SEM1: variants seen among roughly 807,000 people sequenced by gnomAD.
SEM1 encodes SEM1 26S proteasome subunit.
Under a neutral mutation model 12.7 loss-of-function variants are expected in SEM1, and 3 were observed. That is an observed-to-expected ratio of 0.24 (90% CI 0.11 to 0.61). SEM1 has a LOEUF of 0.61. Ranked by LOEUF, SEM1 falls within the 20% of genes least tolerant of loss-of-function variation. The probability of loss-of-function intolerance (pLI) is 0.88; values close to 1 mark genes in which losing one functional copy is unlikely to be tolerated. For missense variants in SEM1, 59 were observed against 81.3 expected (o/e 0.73, Z 1.06); for synonymous variants, 30 against 27.8 (o/e 1.08, Z -0.25).
intron 2 of SEM1, among the ~76,000 whole-genome samples, chr7:96,547,994 G>T (rs565928091): frequency 4.4e-4 from 67 of 152,176 alleles, no homozygotes; most frequent in African/African-American, 1.6e-3. Context: ...AGTTGAGATG[G>T]GGAGGTACAC....
chr7:96,697,754 T>C (rs1790143099), intron 1 of SEM1, among the ~76,000 whole-genome samples: 1 of 152,118 alleles, frequency 6.6e-6, no homozygotes, highest in Admixed American at 6.6e-5. Context: ...AGAAGAGCAA[T>C]ACTTACAAAC....
intron 2 of SEM1, among the ~76,000 whole-genome samples, chr7:96,595,694 T>C (rs1806975836): frequency 6.6e-6 from 1 of 152,216 alleles, no homozygotes; most frequent in South Asian, 2.1e-4. Context: ...TTATAGATTT[T>C]CAGCTTTTAA....
At chr7:96,505,462 A>G (rs960096230) in intron 3 of SEM1, among the ~76,000 whole-genome samples, 16 of 152,232 alleles carry the variant, frequency 1.1e-4, no homozygotes, top group African/African-American at 3.9e-4. Flanking sequence ...CCATTAGTTC[A>G]TGAAAGGTTG....
intron 2 of SEM1, among the ~76,000 whole-genome samples, chr7:96,611,194 T>C (rs1452605980): frequency 1.3e-5 from 2 of 152,198 alleles, no homozygotes; most frequent in Non-Finnish European, 2.9e-5. Flanking sequence ...TCCATTAAGA[T>C]GGTGTAGAAG....
chr7:96,490,116 GA>G (rs941164688), intron 1 of SEM1, among the ~76,000 whole-genome samples: 5 of 151,700 alleles, frequency 3.3e-5, no homozygotes, highest in Admixed American at 3.3e-4. Flanking sequence ...AGAATGGGAT[GA>G]AAAAAAATTT....
At chr7:96,580,996 G>T (rs1385641886) in intron 2 of SEM1, among the ~76,000 whole-genome samples, 1 of 152,156 alleles carries the variant, frequency 6.6e-6, no homozygotes, top group African/African-American at 2.4e-5. Flanking sequence ...TGTCAATTTT[G>T]TCTTTTGTTG....
At chr7:96,552,951 A>G (rs879731605) in intron 2 of SEM1, among the ~76,000 whole-genome samples, 60 of 150,852 alleles carry the variant, frequency 4.0e-4, no homozygotes, top group Admixed American at 6.6e-4. Flanking sequence ...GCCAGTGATG[A>G]TGAGCATTTT....
At chr7:96,610,984 A>G (rs908274491) in intron 2 of SEM1, among the ~76,000 whole-genome samples, 3 of 152,146 alleles carry the variant, frequency 2.0e-5, no homozygotes, top group African/African-American at 7.2e-5. Flanking sequence ...AAGGAAATCA[A>G]TTGTCTTAAT....
At chr7:96,522,891 C>CAAAAA (rs540895823) in intron 2 of SEM1, among the ~76,000 whole-genome samples, 2 of 87,652 alleles carry the variant, frequency 2.3e-5, no homozygotes, top group Non-Finnish European at 2.1e-5. Context: ...AACTCCATCT[C>CAAAAA]AAAAAAAAAA....
At chr7:96,585,221 C>T (rs1220648306) in intron 2 of SEM1, among the ~76,000 whole-genome samples, 7 of 152,112 alleles carry the variant, frequency 4.6e-5, no homozygotes. Flanking sequence ...TGTTGGAATA[C>T]CCTGCCGTGT....
At chr7:96,651,422 G>GA (rs56816878) in intron 2 of SEM1, among the ~76,000 whole-genome samples, 20 of 150,194 alleles carry the variant, frequency 1.3e-4, no homozygotes, top group South Asian at 4.2e-4. Context: ...GTAGACTCAA[G>GA]AAAAAAAAAA....
chr7:96,523,909 C>T (rs898471701), intron 2 of SEM1, among the ~76,000 whole-genome samples: 2 of 152,092 alleles, frequency 1.3e-5, no homozygotes, highest in African/African-American at 2.4e-5. Flanking sequence ...TCATTTCTCA[C>T]TTACGTTTAA....
At chr7:96,637,758 CTGTT>C (rs1382248068) in intron 2 of SEM1, among the ~76,000 whole-genome samples, 1 of 152,004 alleles carries the variant, frequency 6.6e-6, no homozygotes, top group African/African-American at 2.4e-5. Context: ...CAGATGGCCT[CTGTT>C]TGAACCAAGC....
chr7:96,625,074 A>G (rs1808017264), intron 2 of SEM1, among the ~76,000 whole-genome samples: 1 of 152,070 alleles, frequency 6.6e-6, no homozygotes, highest in Non-Finnish European at 1.5e-5. Context: ...GCTCATAAGG[A>G]GGTTGCTGCT....
rs758428169 is a variant in SEM1 at position 96,583,115 on chromosome 7, A to G, written c.171-76417T>C. Among the ~76,000 whole-genome samples, 8 of 150,852 alleles carry G rather than the reference A, an allele frequency of 5.3e-5. No homozygotes were observed. The East Asian group carries it at 7.8e-4, about 15-fold the overall frequency. ...CTTTCTCTTGTGGGCATTTAGTGCT[A>G]TAAATTTCCCTCTACACACTGCTTT... On this transcript the variant is annotated intron_variant and NMD_transcript_variant, in intron 2 of 3. Transcript: ENST00000466986.
chr7:96,546,492 G>C (rs1166766242), intron 2 of SEM1, among the ~76,000 whole-genome samples: 1 of 152,030 alleles, frequency 6.6e-6, no homozygotes, highest in Non-Finnish European at 1.5e-5. Flanking sequence ...ATCATTTTCA[G>C]TACCTACCTC....
chr7:96,703,970 AAAAC>A (rs1384704367), intron 1 of SEM1, among the ~76,000 whole-genome samples: 90 of 86,998 alleles, frequency 1.0e-3, no homozygotes, highest in African/African-American at 3.6e-3. Flanking sequence ...TTGTCTCTTA[AAAAC>A]ACACACACAC....
chr7:96,522,568 G>GAAA (rs765064779), intron 2 of SEM1, among the ~76,000 whole-genome samples: 2 of 127,332 alleles, frequency 1.6e-5, no homozygotes. Context: ...TGCTTTGTGA[G>GAAA]AAAAAAAAAA....
chr7:96,558,831 T>C (rs1563060378), intron 2 of SEM1, among the ~76,000 whole-genome samples: 1 of 152,184 alleles, frequency 6.6e-6, no homozygotes, highest in Non-Finnish European at 1.5e-5. Context: ...TCCAATAAAT[T>C]ATTGCATTTA....
Sources: gnomAD v4.1 joint callset for allele counts (sites outside exome capture counted in the v4.1 genomes callset) on GRCh38, gnomAD v4.1.1 for gene constraint, MANE v1.5 for transcripts, NCBI Gene and HGNC (gene_info 2026-07-23, HGNC 2026-07-21) for gene names.